The following PTPRD variants were observed in gnomAD, a reference collection of about 807,000 sequenced individuals.
PTPRD encodes the protein receptor-type tyrosine-protein phosphatase delta.
PTPRD carries 34 observed loss-of-function variants against 214.5 expected under a neutral mutation model. The ratio of observed to expected loss-of-function variants is 0.16; its 90% CI spans 0.12 to 0.21. The LOEUF is 0.21. Among genes scored for constraint, PTPRD ranks in the 10% least tolerant of loss-of-function variants. The pLI, the probability that PTPRD is intolerant of heterozygous loss-of-function variation, is 1.00. For missense variants in PTPRD, 2,545 were observed against 2,398.7 expected (o/e 1.06, Z -1.27); for synonymous variants, 1,128 against 845.7 (o/e 1.33, Z -5.79).
At chr9:8,324,329 T>G (rs11536769) in intron 44 of PTPRD, among the ~76,000 whole-genome samples, 14,923 of 152,076 alleles carry the variant, frequency 0.098, 846 homozygotes, top group African/African-American at 0.14. Flanking sequence ...CCACTCCCAC[T>G]TATAAGTGAG....
chr9:10,097,043 G>A (rs1009799836), intron 3 of PTPRD, among the ~76,000 whole-genome samples: 6 of 151,738 alleles, frequency 4.0e-5, no homozygotes, highest in African/African-American at 1.2e-4. Context: ...AGATCAGATA[G>A]TTGTAGATAT....
At chr9:9,388,488 C>A (rs1046349805) in intron 9 of PTPRD, among the ~76,000 whole-genome samples, 1 of 152,112 alleles carries the variant, frequency 6.6e-6, no homozygotes, top group African/African-American at 2.4e-5. Context: ...GGAGAAGAGA[C>A]ATGAACTAGG....
chr9:8,739,774 G>T (rs2091441942), intron 11 of PTPRD, among the ~76,000 whole-genome samples: 1 of 152,138 alleles, frequency 6.6e-6, no homozygotes, highest in Admixed American at 6.5e-5. Context: ...TTATGGGAGG[G>T]ACCCAGTGGG....
intron 4 of PTPRD, among the ~76,000 whole-genome samples, chr9:9,955,477 T>C (rs995513719): frequency 6.6e-6 from 1 of 152,062 alleles, no homozygotes; most frequent in Non-Finnish European, 1.5e-5. Flanking sequence ...GGCCACAACA[T>C]TGAACTCTGG....
chr9:10,254,312 T>A (rs1443207134), intron 3 of PTPRD, among the ~76,000 whole-genome samples: 1 of 152,216 alleles, frequency 6.6e-6, no homozygotes, highest in Non-Finnish European at 1.5e-5. Context: ...TTACCAAGAT[T>A]GCTTAATAGT....
At chr9:8,763,885 C>T (rs1266389117) in intron 11 of PTPRD, among the ~76,000 whole-genome samples, 1 of 152,148 alleles carries the variant, frequency 6.6e-6, no homozygotes, top group Non-Finnish European at 1.5e-5. Context: ...AAAATTCTCT[C>T]TCATTAGCTT....
intron 35 of PTPRD, among the ~76,000 whole-genome samples, chr9:8,408,875 A>G (rs2093282824): frequency 9.9e-6 from 1 of 100,698 alleles, no homozygotes; most frequent in South Asian, 3.9e-4. Flanking sequence ...AAAAAATCCT[A>G]TTGTGAGTGA....
At position 9,192,200 on chromosome 9, in the gene PTPRD, A is replaced by G. The variant is rs142034632; in HGVS notation, c.-202-8837T>C. Reference sequence around the variant, plus strand: ...GTCTGTTCAGTAAATCAGAGAGTTAATGTTAAATTTTATATAGCAAAGATA... The same window carrying G: ...GTCTGTTCAGTAAATCAGAGAGTTAGTGTTAAATTTTATATAGCAAAGATA... On this transcript the variant is annotated intron_variant, in intron 9 of 45. Coordinates refer to ENST00000381196, the MANE Select transcript of PTPRD (RefSeq NM_002839.4). 4.5e-3 allele frequency among the ~76,000 whole-genome samples: 683 copies of G among 152,110 alleles called. 4 individuals carry two copies. Among genetic ancestry groups the G allele is most frequent in the African/African-American group, 0.015 (639 of 41,508 alleles).
intron 4 of PTPRD, among the ~76,000 whole-genome samples, chr9:10,027,629 C>A (rs982163983): frequency 1.3e-5 from 2 of 152,080 alleles, no homozygotes; most frequent in African/African-American, 2.4e-5. Context: ...GGTTATTCTC[C>A]TTTATACTGC....
At chr9:9,250,347 T>C (rs1310362403) in intron 9 of PTPRD, among the ~76,000 whole-genome samples, 1 of 152,102 alleles carries the variant, frequency 6.6e-6, no homozygotes, top group Non-Finnish European at 1.5e-5. Flanking sequence ...CTTGAATGTT[T>C]TGTGTATAAA....
chr9:10,290,734 C>T (rs10959026), intron 3 of PTPRD, among the ~76,000 whole-genome samples: 53,719 of 151,864 alleles, frequency 0.35, 11,742 homozygotes, highest in African/African-American at 0.59. Context: ...AAAAAGACAA[C>T]AGAAGCATTC....
At chr9:10,470,448 T>A (rs2099023007) in intron 2 of PTPRD, among the ~76,000 whole-genome samples, 1 of 152,108 alleles carries the variant, frequency 6.6e-6, no homozygotes, top group Admixed American at 6.6e-5. Flanking sequence ...TCTGATGCAA[T>A]CTATATAAAA....
At chr9:10,073,085 C>A (rs1319344776) in intron 3 of PTPRD, among the ~76,000 whole-genome samples, 1 of 151,946 alleles carries the variant, frequency 6.6e-6, no homozygotes, top group Non-Finnish European at 1.5e-5. Flanking sequence ...ACAGGTAAAA[C>A]TATAGAGATA....
chr9:8,895,082 C>T, intron 11 of PTPRD, among the ~76,000 whole-genome samples: 1 of 152,202 alleles, frequency 6.6e-6, no homozygotes, highest in East Asian at 1.9e-4. Context: ...GCCTTTAAGT[C>T]TTGTGCAGTA....
At chr9:10,158,820 T>C (rs570788151) in intron 3 of PTPRD, among the ~76,000 whole-genome samples, 1 of 152,256 alleles carries the variant, frequency 6.6e-6, no homozygotes, top group Non-Finnish European at 1.5e-5. Flanking sequence ...GGCAGGATAT[T>C]TGTATTTTCC....
intron 3 of PTPRD, among the ~76,000 whole-genome samples, chr9:10,205,670 G>C (rs1047731057): frequency 1.3e-5 from 2 of 152,056 alleles, no homozygotes; most frequent in African/African-American, 2.4e-5. Flanking sequence ...GCCCCAAAGT[G>C]CTGGGATTAC....
intron 3 of PTPRD, among the ~76,000 whole-genome samples, chr9:10,139,561 T>C (rs949444748): frequency 6.6e-6 from 1 of 151,784 alleles, no homozygotes; most frequent in Non-Finnish European, 1.5e-5. Flanking sequence ...AATAAAAACC[T>C]GAATGGCAAA....
At chr9:10,587,755 G>A (rs552340009) in intron 2 of PTPRD, among the ~76,000 whole-genome samples, 2 of 152,168 alleles carry the variant, frequency 1.3e-5, no homozygotes, top group East Asian at 1.9e-4. Context: ...TACTCAAGAT[G>A]CAAAACTGAA....
At chr9:9,383,907 T>G (rs1241261713) in intron 9 of PTPRD, among the ~76,000 whole-genome samples, 5 of 152,058 alleles carry the variant, frequency 3.3e-5, no homozygotes, top group African/African-American at 1.2e-4. Context: ...TTCTGTGTGT[T>G]TTTGCAACAG....
Sources: gnomAD v4.1 joint callset for allele counts (sites outside exome capture counted in the v4.1 genomes callset) on GRCh38, gnomAD v4.1.1 for gene constraint, MANE v1.5 for transcripts, NCBI Gene and HGNC (gene_info 2026-07-23, HGNC 2026-07-21) for gene names.